CSMD1: variants seen among roughly 807,000 people sequenced by gnomAD.
The protein encoded by CSMD1 is CUB and Sushi multiple domains 1.
In CSMD1, 213 loss-of-function variants were observed where a neutral mutation model predicts 417.5. The observed-to-expected ratio is 0.51, with a 90% CI of 0.46 to 0.57. The LOEUF is 0.57. Among genes scored for constraint, CSMD1 ranks in the 20% least tolerant of loss-of-function variants. CSMD1 has a pLI of 0.00. For missense variants in CSMD1, 6,923 were observed against 4,529.7 expected (o/e 1.53, Z -15.17); for synonymous variants, 2,862 against 1,736.8 (o/e 1.65, Z -16.11).
chr8:4,417,913 T>C (rs1463555221), intron 3 of CSMD1, among the ~76,000 whole-genome samples: 1 of 152,096 alleles, frequency 6.6e-6, no homozygotes, highest in Non-Finnish European at 1.5e-5. Context: ...TGTAAAGTAT[T>C]TGGTACTTGC....
intron 12 of CSMD1, among the ~76,000 whole-genome samples, chr8:3,438,806 G>C (rs971483612): frequency 1.3e-5 from 2 of 151,958 alleles, no homozygotes; most frequent in East Asian, 1.9e-4. Context: ...TATGATAATT[G>C]CATGTTTAGC....
intron 5 of CSMD1, among the ~76,000 whole-genome samples, chr8:3,887,192 C>T (rs1806624792): frequency 1.3e-5 from 2 of 152,004 alleles, no homozygotes; most frequent in Non-Finnish European, 2.9e-5. Context: ...GTTCAAGCGC[C>T]CAGAGGCAAT....
At chr8:4,139,496 T>C (rs997600180) in intron 3 of CSMD1, among the ~76,000 whole-genome samples, 1 of 151,232 alleles carries the variant, frequency 6.6e-6, no homozygotes, top group African/African-American at 2.5e-5. Flanking sequence ...CGTGGATGAA[T>C]GGTCTGCATT....
intron 2 of CSMD1, among the ~76,000 whole-genome samples, chr8:4,626,153 A>G (rs1317417629): frequency 6.6e-6 from 1 of 152,098 alleles, no homozygotes; most frequent in Non-Finnish European, 1.5e-5. Flanking sequence ...TTACAAAGCT[A>G]TTTTAGGAAG....
At chr8:4,406,630 G>A (rs1805044558) in intron 3 of CSMD1, among the ~76,000 whole-genome samples, 1 of 152,126 alleles carries the variant, frequency 6.6e-6, no homozygotes, top group South Asian at 2.1e-4. Flanking sequence ...GGCTGGGACT[G>A]GCCACACAAC....
chr8:3,939,112 T>G (rs182108835), intron 5 of CSMD1, among the ~76,000 whole-genome samples: 14 of 152,244 alleles, frequency 9.2e-5, no homozygotes, highest in African/African-American at 3.4e-4. Flanking sequence ...TGAGAGTTTA[T>G]TGAATTACAG....
chr8:4,468,454 C>G (rs1800323516), intron 2 of CSMD1, among the ~76,000 whole-genome samples: 1 of 152,300 alleles, frequency 6.6e-6, no homozygotes, highest in Admixed American at 6.5e-5. Context: ...AACTTCAAAC[C>G]TTATGATTTA....
intron 3 of CSMD1, among the ~76,000 whole-genome samples, chr8:4,187,244 C>T (rs1431498706): frequency 1.3e-5 from 2 of 152,166 alleles, no homozygotes; most frequent in East Asian, 1.9e-4. Context: ...TTAACATGTG[C>T]TTATGGCAGA....
intron 3 of CSMD1, among the ~76,000 whole-genome samples, chr8:4,311,568 T>C (rs1200369421): frequency 2.0e-5 from 3 of 151,568 alleles, no homozygotes; most frequent in Non-Finnish European, 2.9e-5. Flanking sequence ...ACTAAAAATA[T>C]AAAACTGAGC....
rs537017479 is a variant in CSMD1 at position 3,742,284 on chromosome 8, C to T, written c.931+11646G>A. ...CTCCTAAGATTTCAGGTAAACATAA[C>T]GTTCATACAAATGTTTATGAAATCT... On this transcript the variant is annotated intron_variant, in intron 6 of 69. Transcript: ENST00000635120. 5.9e-5 allele frequency among the ~76,000 whole-genome samples: 9 copies of T among 152,262 alleles called. No individual in the cohort carries two copies. In the South Asian group the frequency reaches 1.5e-3, roughly 25 times the overall value.
At chr8:3,666,883 G>T (rs371236955) in intron 7 of CSMD1, among the ~76,000 whole-genome samples, 1 of 152,124 alleles carries the variant, frequency 6.6e-6, no homozygotes, top group East Asian at 1.9e-4. Context: ...TTTATCAGCA[G>T]CATGAAAATG....
chr8:3,714,486 G>A (rs900679200), intron 6 of CSMD1, among the ~76,000 whole-genome samples: 3 of 144,602 alleles, frequency 2.1e-5, no homozygotes, highest in Non-Finnish European at 4.5e-5. Context: ...ACTTTGGGAG[G>A]CTGAGACAGG....
intron 30 of CSMD1, among the ~76,000 whole-genome samples, chr8:3,206,363 T>C (rs368002407): frequency 7.8e-6 from 1 of 128,076 alleles, no homozygotes; most frequent in South Asian, 2.7e-4. Flanking sequence ...TGTATGTGTG[T>C]ATTGGGGGTA....
intron 3 of CSMD1, among the ~76,000 whole-genome samples, chr8:4,177,512 T>A (rs1398174347): frequency 6.6e-6 from 1 of 151,822 alleles, no homozygotes; most frequent in South Asian, 2.1e-4. Context: ...AACATCACAA[T>A]TAAAAGAACT....
At chr8:4,172,036 G>C (rs910934839) in intron 3 of CSMD1, among the ~76,000 whole-genome samples, 1 of 152,162 alleles carries the variant, frequency 6.6e-6, no homozygotes, top group African/African-American at 2.4e-5. Flanking sequence ...TCAAATAAAA[G>C]GAAACACAAT....
Position 4,150,355 on chromosome 8 carries a change from G to GT in CSMD1, c.416-118257dup, listed in dbSNP as rs201114604. 1.3e-3 allele frequency among the ~76,000 whole-genome samples: 199 copies of GT among 152,304 alleles called. 4 individuals carry two copies. The East Asian group carries it at 0.035, about 27-fold the overall frequency. ...CTCTAACCCGTGCCATTCTAACTCA[G>GT]TGTCTGCAGCTGTCTTTTGTGCCTG... is the stretch of plus-strand genomic sequence containing the variant. On this transcript the variant is annotated intron_variant, in intron 3 of 69. Coordinates refer to ENST00000635120, the MANE Select transcript of CSMD1 (RefSeq NM_033225.6).
intron 3 of CSMD1, among the ~76,000 whole-genome samples, chr8:4,359,584 G>C (rs920399315): frequency 6.6e-6 from 1 of 152,122 alleles, no homozygotes; most frequent in Non-Finnish European, 1.5e-5. Flanking sequence ...AGATTACATG[G>C]TGTTCTAAAA....
chr8:3,887,681 T>G (rs1409255414), intron 5 of CSMD1, among the ~76,000 whole-genome samples: 1 of 152,218 alleles, frequency 6.6e-6, no homozygotes, highest in Admixed American at 6.5e-5. Context: ...CCTATGTATC[T>G]GAGTTACACA....
At chr8:3,492,237 A>T (rs1818424711) in intron 11 of CSMD1, among the ~76,000 whole-genome samples, 1 of 152,166 alleles carries the variant, frequency 6.6e-6, no homozygotes, top group Non-Finnish European at 1.5e-5. Flanking sequence ...CCAAGCAACC[A>T]GTGGCATGCC....
Sources: allele counts gnomAD v4.1 joint callset (sites outside exome capture counted in the v4.1 genomes callset), GRCh38; gene constraint gnomAD v4.1.1; transcripts MANE v1.5; gene names NCBI Gene and HGNC (gene_info 2026-07-23, HGNC 2026-07-21).